DNAH5: variants seen among roughly 807,000 people sequenced by gnomAD.
DNAH5 encodes the protein axonemal beta dynein heavy chain 5.
A neutral mutation model predicts 518.2 loss-of-function variants in DNAH5; 372 were observed. That is an observed-to-expected ratio of 0.72 (90% CI 0.66 to 0.78). DNAH5 has a LOEUF of 0.78. DNAH5 is among the 30% of genes least tolerant of loss of function. The pLI is 0.00. For synonymous variants in DNAH5, 2,039 were observed against 2,025.9 expected (o/e 1.01, Z -0.17); for missense variants, 5,523 against 5,687.0 (o/e 0.97, Z 0.93).
chr5:13,770,247 G>C lies in DNAH5; in HGVS notation c.9605+502C>G, dbSNP rs1165906667. ...AGTGACATTTGGAAGAAACTTCAGG[G>C]AAGCAGGGATACTCCTTAGGCAGTG... On this transcript the variant is annotated intron_variant, in intron 56 of 78. Coordinates refer to ENST00000265104, the MANE Select transcript of DNAH5 (RefSeq NM_001369.3). 4.6e-5 allele frequency among the ~76,000 whole-genome samples: 7 copies of C among 152,154 alleles called. No individual in the cohort carries two copies. In the South Asian group the frequency reaches 1.2e-3, roughly 27 times the overall value.
chr5:13,927,571 AT>A (rs1218522125), intron 3 of DNAH5, among the ~76,000 whole-genome samples: 1 of 152,184 alleles, frequency 6.6e-6, no homozygotes, highest in Non-Finnish European at 1.5e-5. Flanking sequence ...ATAAATGAGA[AT>A]GATGAAACCT....
In DNAH5 at chr5:13,820,615, G is replaced by T. The variant is rs1762097118; in HGVS notation, c.6688-116C>A. 4.5e-5 allele frequency: 54 copies of T among 1,212,748 alleles called. 2 individuals carry two copies. In the South Asian group the frequency reaches 6.2e-4, roughly 14 times the overall value. 75.1% of individuals were successfully genotyped at this position (1,212,748 alleles called of 1,614,324 possible). On this transcript the variant is annotated intron_variant, in intron 40 of 78. Coordinates refer to ENST00000265104, the MANE Select transcript of DNAH5 (RefSeq NM_001369.3). Reference sequence around the variant, plus strand: ...CGAGGCGGGCAGATCACAAGGTCAGGAGTTCAAGACCAGCCAGGCCAACAT... The same window carrying T: ...CGAGGCGGGCAGATCACAAGGTCAGTAGTTCAAGACCAGCCAGGCCAACAT...
chr5:13,828,809 A>G (rs1389690743), intron 38 of DNAH5, among the ~76,000 whole-genome samples: 3 of 152,190 alleles, frequency 2.0e-5, no homozygotes, highest in Non-Finnish European at 2.9e-5. Flanking sequence ...GATTGTCCCC[A>G]TTCGAGCATC....
At chr5:13,808,983 G>A in intron 46 of DNAH5, 61 bp downstream of exon 46, 1 of 1,580,082 alleles carries the variant, frequency 6.3e-7, no homozygotes, top group Non-Finnish European at 8.7e-7. Flanking sequence ...ATAAATAAAT[G>A]CAGGATGCTT....
At chr5:13,697,597 T>C (rs1291159765) in intron 78 of DNAH5, among the ~76,000 whole-genome samples, 1 of 152,162 alleles carries the variant, frequency 6.6e-6, no homozygotes, top group African/African-American at 2.4e-5. Flanking sequence ...CTTTAAACAT[T>C]CTCCATAAAT....
chr5:13,958,495 T>C (rs987974910), intron 1 of DNAH5, among the ~76,000 whole-genome samples: 2 of 152,162 alleles, frequency 1.3e-5, no homozygotes, highest in African/African-American at 4.8e-5. Context: ...TTGATTTTAT[T>C]TTTAAGACTG....
intron 70 of DNAH5, among the ~76,000 whole-genome samples, chr5:13,722,990 G>C (rs1745254772): frequency 6.6e-6 from 1 of 152,180 alleles, no homozygotes; most frequent in South Asian, 2.1e-4. Flanking sequence ...TGACCAAACA[G>C]CACCTTGGCC....
chr5:13,736,019 AAAC>A lies in DNAH5; in HGVS notation c.11456-90_11456-88del, dbSNP rs1364906544. The A allele has an allele frequency of 2.5e-5, 27 of 1,084,884 alleles. 1 individual carries two copies. In the African/African-American group the frequency reaches 3.6e-4, roughly 14 times the overall value. 67.2% of individuals were successfully genotyped at this position (1,084,884 alleles called of 1,614,324 possible). A position where few individuals can be genotyped will look rare whatever the true frequency, so the allele number is the denominator to read the frequency against. On this transcript the variant is annotated intron_variant, in intron 66 of 78. Transcript: ENST00000265104. ...AGAGATCAGCCTAAACTCTAAATGA[AAAC>A]AACAACTTTTATTTTAGGCAGTGGC...
At chr5:13,927,527 TAAC>T (rs1399668955) in intron 3 of DNAH5, among the ~76,000 whole-genome samples, 1 of 151,414 alleles carries the variant, frequency 6.6e-6, no homozygotes, top group African/African-American at 2.4e-5. Context: ...TAATAATAAA[TAAC>T]AACAACAAAA....
Position 13,802,207 on chromosome 5 carries a change from C to A in DNAH5, c.7887+5384G>T, listed in dbSNP as rs1278422955. The stretch of plus-strand genomic sequence containing the variant: ...TCTTATGCAATTTATGAAACCTAAA[C>A]AAGATTCCAATCTCATTGTCTGTCT... On this transcript the variant is annotated intron_variant, in intron 47 of 78. Transcript: ENST00000265104. Among the ~76,000 whole-genome samples, 3 of 152,200 alleles carry A rather than the reference C, an allele frequency of 2.0e-5. No homozygotes were observed. In the East Asian group the frequency reaches 5.8e-4, roughly 29 times the overall value.
At chr5:13,993,887 T>G (rs1048470940) in intron 1 of DNAH5, among the ~76,000 whole-genome samples, 1 of 152,204 alleles carries the variant, frequency 6.6e-6, no homozygotes, top group Admixed American at 6.5e-5. Context: ...CACCTCCAGC[T>G]GTGACCTTCC....
chr5:13,830,859 C>T (rs1580466253), intron 35 of DNAH5, 84 bp from the exon 36 acceptor site: 2 of 1,404,380 alleles, frequency 1.4e-6, no homozygotes, highest in Non-Finnish European at 2.0e-6. Flanking sequence ...GAAACGCACA[C>T]AAGATTAAAA....
Position 13,788,823 on chromosome 5 carries a change from A to G in DNAH5, c.8540T>C (p.Leu2847Ser). The change falls in exon 51 of 79, where the codon TTA (leucine) becomes TCA (serine). Residue 2847 changes from leucine to serine, a missense_variant. Transcript: ENST00000265104. ...SSDVTWFDKA[L>S]VSLVEEEFGE... is the part of the protein sequence containing the mutation. ...AAACTCCTCCTCTACCAAACTTACT[A>G]AAGCCTTATCAAACCAGGTCACATC... 3 of 1,614,124 alleles carry G rather than the reference A, an allele frequency of 1.9e-6. No individual in the cohort carries two copies. The highest frequency in any genetic ancestry group is 2.5e-6 in the Non-Finnish European group (3 of 1,179,998).
chr5:13,743,389 AG>A (rs373497681), intron 65 of DNAH5, among the ~76,000 whole-genome samples: 4 of 152,180 alleles, frequency 2.6e-5, no homozygotes, highest in African/African-American at 7.2e-5. Flanking sequence ...GAAAACATAA[AG>A]GAAATGCTTC....
At chr5:13,913,655 T>C in intron 11 of DNAH5, 88 bp downstream of exon 11, 1 of 1,470,354 alleles carries the variant, frequency 6.8e-7, no homozygotes, top group East Asian at 2.3e-5. Flanking sequence ...GACTGATGAT[T>C]TGAATCATTC....
intron 52 of DNAH5, 50 bp from the exon 53 acceptor site, chr5:13,781,009 T>C (rs1480651613): frequency 2.5e-6 from 4 of 1,591,816 alleles, no homozygotes; most frequent in South Asian, 1.1e-5. Flanking sequence ...GTAAATGTTC[T>C]ATTTTTCCTA....
At chr5:13,892,871 CATT>C in intron 16 of DNAH5, among the ~76,000 whole-genome samples, 1 of 152,248 alleles carries the variant, frequency 6.6e-6, no homozygotes. Context: ...GTTCTAAACT[CATT>C]ATTATTTCTT....
At chr5:13,922,052 A>C in intron 5 of DNAH5, 55 bp downstream of exon 5, 1 of 1,554,466 alleles carries the variant, frequency 6.4e-7, no homozygotes, top group South Asian at 1.1e-5. Context: ...ACACTTATGT[A>C]CTGTGCTTGT....
At chr5:13,991,559 GGAGGAGGAA>G (rs748374781) in intron 1 of DNAH5, among the ~76,000 whole-genome samples, 136 of 149,418 alleles carry the variant, frequency 9.1e-4, no homozygotes, top group South Asian at 1.5e-3. Context: ...AGGAAGAGGA[GGAGGAGGAA>G]GAGGAGAAAG....
Sources: allele counts gnomAD v4.1 joint callset (sites outside exome capture counted in the v4.1 genomes callset), GRCh38; gene constraint gnomAD v4.1.1; transcripts MANE v1.5; gene names NCBI Gene and HGNC (gene_info 2026-07-23, HGNC 2026-07-21).